Variants in PPP2R5E observed in about 807,000 individuals in gnomAD.
PPP2R5E encodes serine/threonine-protein phosphatase 2A 56 kDa regulatory subunit epsilon isoform.
PPP2R5E carries 4 observed loss-of-function variants against 65.3 expected under a neutral mutation model. That is an observed-to-expected ratio of 0.06 (90% CI 0.03 to 0.14). The LOEUF is 0.14. Among genes scored for constraint, PPP2R5E ranks in the 10% least tolerant of loss-of-function variants. PPP2R5E has a pLI of 1.00. For synonymous variants in PPP2R5E, 183 were observed against 187.4 expected, an observed-to-expected ratio of 0.98 and a Z score of 0.19; for missense variants, 274 against 556.1, an observed-to-expected ratio of 0.49 and a Z score of 5.10.
rs138589146 is a variant in PPP2R5E at position 63,526,264 on chromosome 14, T to G, written c.157+13265A>C. ...TTGAATCTAAATATCAAAACAAAGC[T>G]GTGTTCCAGACCAGTGTGTGTGCTG... On this transcript the variant is annotated intron_variant, in intron 2 of 13. Transcript: ENST00000337537. 4.6e-5 allele frequency among the ~76,000 whole-genome samples: 7 copies of G among 152,288 alleles called. No individual in the cohort carries two copies. In the East Asian group the frequency reaches 1.3e-3, roughly 29 times the overall value.
At chr14:63,539,487 G>A (rs1165974011) in intron 2 of PPP2R5E, 42 bp downstream of exon 2, 5 of 1,585,326 alleles carry the variant, frequency 3.2e-6, no homozygotes, top group Non-Finnish European at 4.3e-6. Flanking sequence ...GATGTAGAAA[G>A]ATCAATTGAA....
At chr14:63,405,273 T>A (rs1885997660) in intron 5 of PPP2R5E, among the ~76,000 whole-genome samples, 1 of 152,158 alleles carries the variant, frequency 6.6e-6, no homozygotes, top group Non-Finnish European at 1.5e-5. Flanking sequence ...CATTTTGACA[T>A]ATTCAAGGAA....
At chr14:63,433,433 G>A (rs1247867604) in intron 3 of PPP2R5E, among the ~76,000 whole-genome samples, 4 of 152,064 alleles carry the variant, frequency 2.6e-5, no homozygotes, top group East Asian at 1.9e-4. Context: ...CTTACCACCT[G>A]TTCATGCCCC....
Position 63,388,646 on chromosome 14 carries a change from C to T in PPP2R5E, c.1074+966G>A, listed in dbSNP as rs537612296. ...TTCTATCTTCTTTTTTCTTGCTTTG[C>T]GGTACAACTGCTAGACTGCCATAAA... On this transcript the variant is annotated intron_variant, in intron 11 of 13. Transcript: ENST00000337537. Among the ~76,000 whole-genome samples the T allele has an allele frequency of 1.1e-4, 16 of 152,146 alleles. No individual in the cohort carries two copies. The South Asian group carries it at 1.7e-3, about 16-fold the overall frequency.
intron 2 of PPP2R5E, among the ~76,000 whole-genome samples, chr14:63,476,066 T>C (rs1566731199): frequency 6.6e-6 from 1 of 152,198 alleles, no homozygotes; most frequent in Non-Finnish European, 1.5e-5. Context: ...AAATCTTCTA[T>C]CTGTCATTGA....
chr14:63,504,998 G>C (rs980723915), intron 2 of PPP2R5E, among the ~76,000 whole-genome samples: 1 of 152,160 alleles, frequency 6.6e-6, no homozygotes, highest in African/African-American at 2.4e-5. Context: ...GGAAGACAAA[G>C]TTTTGAGTTA....
intron 3 of PPP2R5E, among the ~76,000 whole-genome samples, chr14:63,440,805 T>C (rs1594877957): frequency 1.6e-5 from 2 of 122,138 alleles, no homozygotes; most frequent in Admixed American, 7.4e-5. Context: ...AAAAATTAGC[T>C]GGGCGTGGTG....
At chr14:63,437,760 T>C (rs1390038571) in intron 3 of PPP2R5E, among the ~76,000 whole-genome samples, 1 of 152,166 alleles carries the variant, frequency 6.6e-6, no homozygotes, top group Non-Finnish European at 1.5e-5. Flanking sequence ...TTCTGAAAAG[T>C]ATAGAAACAT....
At chr14:63,492,894 G>C (rs1235206424) in intron 2 of PPP2R5E, among the ~76,000 whole-genome samples, 1 of 152,130 alleles carries the variant, frequency 6.6e-6, no homozygotes, top group Non-Finnish European at 1.5e-5. Flanking sequence ...TGCGTCTTTA[G>C]ACAACGTTTA....
At chr14:63,514,002 G>T (rs1779717817) in intron 2 of PPP2R5E, among the ~76,000 whole-genome samples, 1 of 152,176 alleles carries the variant, frequency 6.6e-6, no homozygotes, top group Non-Finnish European at 1.5e-5. Flanking sequence ...TTCAAGGAGA[G>T]CTGCAAAGTG....
At chr14:63,487,258 A>T (rs1327607253) in intron 2 of PPP2R5E, among the ~76,000 whole-genome samples, 2 of 152,252 alleles carry the variant, frequency 1.3e-5, no homozygotes, top group Non-Finnish European at 2.9e-5. Context: ...AAGTGAAAAT[A>T]AACATTAGCT....
intron 2 of PPP2R5E, among the ~76,000 whole-genome samples, chr14:63,481,295 G>C (rs547916098): frequency 6.6e-6 from 1 of 151,974 alleles, no homozygotes; most frequent in African/African-American, 2.4e-5. Context: ...TCAGGAGTTC[G>C]AGACCAGCTG....
intron 2 of PPP2R5E, among the ~76,000 whole-genome samples, chr14:63,496,427 G>A (rs1891571836): frequency 7.1e-6 from 1 of 141,266 alleles, no homozygotes; most frequent in Non-Finnish European, 1.5e-5. Flanking sequence ...CCAGGCAACA[G>A]AGTAAGACTC....
In PPP2R5E at chr14:63,373,656, G is replaced by A. The variant is rs1165418443; in HGVS notation, c.*2353C>T. 1 of 152,166 alleles carries A rather than the reference G, an allele frequency of 6.6e-6. No individual in the cohort carries two copies. The highest frequency in any genetic ancestry group is 1.5e-5 in the Non-Finnish European group (1 of 68,040). The allele number at this position is 152,166 out of a possible 1,614,324, so 9.4% of individuals were successfully genotyped here. A position where few individuals can be genotyped will look rare whatever the true frequency, so the allele number is the denominator to read the frequency against. ...AAAATTGACATCAAGGAGGAGAGCT[G>A]TAAGTGTTCACCTTTACTCTTGAAG... On this transcript the variant is annotated 3_prime_UTR_variant, in exon 14 of 14. Transcript: ENST00000337537.
intron 2 of PPP2R5E, among the ~76,000 whole-genome samples, chr14:63,526,940 C>T (rs1016354667): frequency 5.3e-5 from 8 of 152,210 alleles, no homozygotes; most frequent in Non-Finnish European, 7.3e-5. Flanking sequence ...GAGGCCAAGG[C>T]GGGCGGATCA....
chr14:63,434,634 AGAGCAGTTTT>A (rs1276360238), intron 3 of PPP2R5E, among the ~76,000 whole-genome samples: 23 of 152,334 alleles, frequency 1.5e-4, no homozygotes, highest in African/African-American at 5.5e-4. Context: ...AGTTACATAT[AGAGCAGTTTT>A]GACATCTCAC....
chr14:63,454,643 A>G (rs1003658307), intron 2 of PPP2R5E, among the ~76,000 whole-genome samples: 1 of 152,232 alleles, frequency 6.6e-6, no homozygotes, highest in Non-Finnish European at 1.5e-5. Flanking sequence ...TTTCTAAAAA[A>G]TATGTAGAAA....
At chr14:63,380,522 C>T (rs563794217) in intron 13 of PPP2R5E, among the ~76,000 whole-genome samples, 72 of 152,016 alleles carry the variant, frequency 4.7e-4, no homozygotes, top group African/African-American at 1.7e-3. Flanking sequence ...ATTAGCCAGG[C>T]GTGGTGGCGG....
intron 4 of PPP2R5E, among the ~76,000 whole-genome samples, chr14:63,416,908 C>G (rs1308401327): frequency 6.6e-6 from 1 of 151,958 alleles, no homozygotes; most frequent in Non-Finnish European, 1.5e-5. Context: ...AGGGAGATCT[C>G]CATCAAAAAA....
Sources: gnomAD v4.1 joint callset for allele counts (sites outside exome capture counted in the v4.1 genomes callset) on GRCh38, gnomAD v4.1.1 for gene constraint, MANE v1.5 for transcripts, NCBI Gene and HGNC (gene_info 2026-07-23, HGNC 2026-07-21) for gene names.